Variants in NKAIN2 observed in about 807,000 individuals in gnomAD.
The protein encoded by NKAIN2 is sodium/potassium-transporting ATPase subunit beta-1-interacting protein 2.
In NKAIN2, 14 loss-of-function variants were observed where a neutral mutation model predicts 32.6. The ratio of observed to expected loss-of-function variants is 0.43; its 90% CI spans 0.28 to 0.67. The LOEUF is 0.67. NKAIN2 is among the 30% of genes least tolerant of loss of function. The pLI, the probability that NKAIN2 is intolerant of heterozygous loss-of-function variation, is 0.17. For synonymous variants in NKAIN2, 80 were observed against 87.2 expected (o/e 0.92, Z 0.46); for missense variants, 198 against 258.3 (o/e 0.77, Z 1.60).
chr6:124,674,960 T>A (rs1773284230), intron 4 of NKAIN2, among the ~76,000 whole-genome samples: 2 of 152,102 alleles, frequency 1.3e-5, no homozygotes, highest in East Asian at 3.8e-4. Context: ...CTCTCCATTT[T>A]TCACCATTAA....
At chr6:123,974,185 A>G (rs1778454545) in intron 1 of NKAIN2, among the ~76,000 whole-genome samples, 1 of 152,172 alleles carries the variant, frequency 6.6e-6, no homozygotes, top group Non-Finnish European at 1.5e-5. Context: ...ATGCACAAGA[A>G]ACAGTTTGTA....
At chr6:124,515,522 A>G (rs961841891) in intron 3 of NKAIN2, among the ~76,000 whole-genome samples, 3 of 151,988 alleles carry the variant, frequency 2.0e-5, no homozygotes, top group South Asian at 2.1e-4. Flanking sequence ...GATGATTCAT[A>G]AGAATGAGAA....
chr6:124,525,879 A>T (rs1429144229), intron 3 of NKAIN2, among the ~76,000 whole-genome samples: 1 of 152,194 alleles, frequency 6.6e-6, no homozygotes, highest in Non-Finnish European at 1.5e-5. Context: ...AGAAGATAAA[A>T]TAAGCAAACA....
At chr6:124,348,698 A>T (rs1583097432) in intron 2 of NKAIN2, among the ~76,000 whole-genome samples, 3 of 152,304 alleles carry the variant, frequency 2.0e-5, no homozygotes, top group Admixed American at 2.0e-4. Flanking sequence ...CTGCATTTCC[A>T]TCTGAGGTAC....
At chr6:124,122,084 A>G (rs1042485749) in intron 1 of NKAIN2, 1 of 207,938 alleles carries the variant, frequency 4.8e-6, no homozygotes, top group African/African-American at 2.3e-5. Context: ...TATGTAAATA[A>G]TATGTATTTT....
chr6:123,930,439 T>C (rs895118435), intron 1 of NKAIN2, among the ~76,000 whole-genome samples: 1 of 152,178 alleles, frequency 6.6e-6, no homozygotes, highest in African/African-American at 2.4e-5. Flanking sequence ...TTGATTATAC[T>C]GCATATGGAG....
intron 3 of NKAIN2, among the ~76,000 whole-genome samples, chr6:124,503,849 G>A (rs1036844959): frequency 4.6e-5 from 7 of 152,074 alleles, no homozygotes; most frequent in Non-Finnish European, 8.8e-5. Flanking sequence ...AAGGAAATTT[G>A]ACACTCTAAT....
At chr6:124,267,190 G>C (rs1794530089) in intron 1 of NKAIN2, among the ~76,000 whole-genome samples, 1 of 152,106 alleles carries the variant, frequency 6.6e-6, no homozygotes, top group Non-Finnish European at 1.5e-5. Context: ...TGTCAAGCAA[G>C]GACAAATGGA....
intron 1 of NKAIN2, among the ~76,000 whole-genome samples, chr6:123,891,183 C>G (rs965242263): frequency 3.3e-5 from 5 of 152,048 alleles, no homozygotes; most frequent in African/African-American, 1.2e-4. Flanking sequence ...TTACCAGAGA[C>G]TGTGGGGTTG....
At chr6:124,560,033 G>A (rs1031586510) in intron 3 of NKAIN2, among the ~76,000 whole-genome samples, 1 of 151,748 alleles carries the variant, frequency 6.6e-6, no homozygotes, top group Non-Finnish European at 1.5e-5. Context: ...TCCTGTATAT[G>A]GTATTAAAAT....
intron 3 of NKAIN2, among the ~76,000 whole-genome samples, chr6:124,426,611 C>G (rs1774992886): frequency 6.6e-6 from 1 of 152,074 alleles, no homozygotes; most frequent in Admixed American, 6.6e-5. Flanking sequence ...AATGAGGTAC[C>G]AATGTACATG....
chr6:124,547,406 G>A (rs866465607), intron 3 of NKAIN2, among the ~76,000 whole-genome samples: 70 of 151,810 alleles, frequency 4.6e-4, no homozygotes, highest in African/African-American at 1.5e-3. Flanking sequence ...AAGTATTCAG[G>A]GTCTCTAAAT....
intron 2 of NKAIN2, among the ~76,000 whole-genome samples, chr6:124,324,536 T>G (rs959002580): frequency 6.6e-5 from 10 of 152,110 alleles, no homozygotes; most frequent in Non-Finnish European, 1.5e-4. Flanking sequence ...ACTGAATTCC[T>G]TTTTTTCTGA....
intron 1 of NKAIN2, among the ~76,000 whole-genome samples, chr6:124,094,185 C>G (rs1364553206): frequency 1.3e-5 from 2 of 152,104 alleles, no homozygotes; most frequent in African/African-American, 4.8e-5. Context: ...TACTTTTTAT[C>G]TCTCCTAATG....
intron 3 of NKAIN2, among the ~76,000 whole-genome samples, chr6:124,580,009 A>G (rs955434220): frequency 6.6e-6 from 1 of 152,218 alleles, no homozygotes; most frequent in African/African-American, 2.4e-5. Flanking sequence ...AACACTCAAC[A>G]GAAATAAAGA....
chr6:124,022,330 T>C (rs1169924542), intron 1 of NKAIN2, among the ~76,000 whole-genome samples: 1 of 152,164 alleles, frequency 6.6e-6, no homozygotes, highest in Non-Finnish European at 1.5e-5. Context: ...GTCTTCACTA[T>C]TGTGAATAAT....
intron 1 of NKAIN2, among the ~76,000 whole-genome samples, chr6:124,250,817 A>G (rs1415710646): frequency 1.3e-5 from 2 of 152,070 alleles, no homozygotes; most frequent in African/African-American, 2.4e-5. Flanking sequence ...AAAAATTATA[A>G]TAATCCTAAT....
chr6:124,238,077 C>A (rs1278335300), intron 1 of NKAIN2, among the ~76,000 whole-genome samples: 3 of 151,748 alleles, frequency 2.0e-5, no homozygotes, highest in African/African-American at 4.9e-5. Flanking sequence ...TAAAACAGAA[C>A]AAATGATAGA....
At chr6:124,095,978 A>G (rs1029438762) in intron 1 of NKAIN2, among the ~76,000 whole-genome samples, 4 of 152,184 alleles carry the variant, frequency 2.6e-5, no homozygotes, top group African/African-American at 4.8e-5. Context: ...TTATTTATCT[A>G]GGAAAATTAG....
Sources: gnomAD v4.1 joint callset for allele counts (sites outside exome capture counted in the v4.1 genomes callset) on GRCh38, gnomAD v4.1.1 for gene constraint, MANE v1.5 for transcripts, NCBI Gene and HGNC (gene_info 2026-07-23, HGNC 2026-07-21) for gene names.